Variants in CEP192 observed in about 807,000 individuals in gnomAD.
CEP192 encodes the protein centrosomal protein 192, also known as centrosomal protein of 192 kDa.
Under a neutral mutation model 271.8 loss-of-function variants are expected in CEP192, and 151 were observed. The ratio of observed to expected loss-of-function variants is 0.56; its 90% confidence interval spans 0.49 to 0.64. CEP192 has a LOEUF of 0.64. Ranked by LOEUF, CEP192 falls within the 30% of genes least tolerant of loss-of-function variation. The probability of loss-of-function intolerance (pLI) is 0.00; values close to 1 mark genes in which losing one functional copy is unlikely to be tolerated. For synonymous variants in CEP192, 995 were observed against 1,076.5 expected (o/e 0.92, Z 1.48); for missense variants, 2,910 against 3,020.5 (o/e 0.96, Z 0.86).
intron 17 of CEP192, among the ~76,000 whole-genome samples, chr18:13,050,170 G>T (rs8091992): frequency 0.14 from 20,540 of 152,048 alleles, 1,536 homozygotes; most frequent in East Asian, 0.31. Context: ...TTCTGGTGAA[G>T]ACTTTGTATC....
At chr18:13,085,535 G>A (rs371448793) in intron 30 of CEP192, among the ~76,000 whole-genome samples, 9 of 152,098 alleles carry the variant, frequency 5.9e-5, no homozygotes, top group Non-Finnish European at 4.4e-5. Context: ...TATGTCTTAC[G>A]TTTAAGTCTT....
chr18:13,008,522 A>G lies in CEP192; in HGVS notation c.357A>G (p.Ser119=), dbSNP rs771062368. ...TGTCAAATGCTCTCAGCAAACAGTCAGCTTTACAAATGGAGACAGCAGGAC... is the reference window on the plus strand; with the variant it reads ...TGTCAAATGCTCTCAGCAAACAGTCGGCTTTACAAATGGAGACAGCAGGAC... ...QRLSNALSKQ[S]ALQMETAGPE... The change falls in exon 4 of 45, where the codon TCA becomes TCG. Residue 119 remains serine, a synonymous_variant. Transcript: ENST00000506447. 3 of 1,551,480 alleles carry G rather than the reference A, an allele frequency of 1.9e-6. No homozygotes were observed. The highest frequency in any genetic ancestry group is 1.7e-4 in the Middle Eastern group (1 of 6,014).
chr18:13,029,642 A>T, intron 9 of CEP192, 21 bp from the exon 10 acceptor site: 1 of 1,427,654 alleles, frequency 7.0e-7, no homozygotes, highest in Non-Finnish European at 9.3e-7. Flanking sequence ...CTGTTAAAAA[A>T]TCTGATTTTT....
chr18:13,035,345 C>G (rs909863131), intron 11 of CEP192, among the ~76,000 whole-genome samples: 20 of 152,184 alleles, frequency 1.3e-4, no homozygotes, highest in Non-Finnish European at 2.9e-4. Flanking sequence ...CTTGGACTTA[C>G]AGTTCCACGT....
At position 13,052,946 on chromosome 18, in the gene CEP192, A is replaced by G. The variant is rs1428901607; in HGVS notation, c.3045A>G (p.Ala1015=). The G allele has an allele frequency of 6.2e-7, 1 of 1,611,050 alleles. No homozygotes were observed. The highest frequency in any genetic ancestry group is 8.5e-7 in the Non-Finnish European group (1 of 1,178,320). ...SGCALESFGS[A]AQQQQPPCEQ... The stretch of plus-strand genomic sequence containing the variant: ...GTGCGTTAGAGTCCTTTGGTTCAGC[A>G]GCTCAGCAGCAGCAGCCTCCCTGTG... The change falls in exon 18 of 45, where the codon GCA becomes GCG. Residue 1015 remains alanine, a synonymous_variant. Coordinates refer to ENST00000506447, the MANE Select transcript of CEP192 (RefSeq NM_032142.4).
chr18:13,066,780 T>C (rs1233619497), intron 21 of CEP192, among the ~76,000 whole-genome samples: 1 of 152,210 alleles, frequency 6.6e-6, no homozygotes, highest in African/African-American at 2.4e-5. Flanking sequence ...CTCACCCTGC[T>C]CACAACAAGC....
rs184071468 is a variant in CEP192 at position 13,113,134 on chromosome 18, C to T, written c.7048-452C>T. The stretch of plus-strand genomic sequence containing the variant: ...GCGTCTGGCGCTTGTCTTGTTCTGC[C>T]TCCTGTAGCCGCCGCCCCCCTCACT... On this transcript the variant is annotated intron_variant, in intron 40 of 44. Coordinates refer to ENST00000506447, the MANE Select transcript of CEP192 (RefSeq NM_032142.4). Among the ~76,000 whole-genome samples the T allele has an allele frequency of 1.5e-3, 229 of 152,284 alleles. 2 individuals are homozygous for T. Among genetic ancestry groups the T allele is most frequent in the African/African-American group, 5.1e-3 (213 of 41,554 alleles).
At chr18:13,030,398 T>A in intron 10 of CEP192, 67 bp from the exon 11 acceptor site, 4 of 1,368,206 alleles carry the variant, frequency 2.9e-6, no homozygotes, top group Non-Finnish European at 3.9e-6. Flanking sequence ...TTAAAAAAAA[T>A]TGAGAATGTT....
chr18:13,100,348 A>G lies in CEP192; in HGVS notation c.6707A>G (p.Glu2236Gly). 1 of 1,614,132 alleles carries G rather than the reference A, an allele frequency of 6.2e-7. No homozygotes were observed. The highest frequency in any genetic ancestry group is 1.1e-5 in the South Asian group (1 of 91,082). ...VQIREDLTQV[E>G]LLTRLTSKPF... ...ATTCGAGAAGATTTAACTCAAGTGG[A>G]ACTTTTAACTCGTTTGACCTCCAAA... Residue 2236 changes from glutamate to glycine, a missense_variant, in exon 38 of 45, where the codon GAA becomes GGA. Coordinates refer to ENST00000506447, the MANE Select transcript of CEP192 (RefSeq NM_032142.4).
intron 5 of CEP192, 86 bp from the exon 6 acceptor site, chr18:13,015,242 A>G: frequency 8.1e-7 from 1 of 1,232,276 alleles, no homozygotes; most frequent in Non-Finnish European, 1.1e-6. Flanking sequence ...GAGGTTGAGA[A>G]CATATTTGGT....
chr18:13,043,433 G>C (rs2036314725), intron 15 of CEP192, among the ~76,000 whole-genome samples: 1 of 152,100 alleles, frequency 6.6e-6, no homozygotes, highest in Non-Finnish European at 1.5e-5. Flanking sequence ...GACATCGTGG[G>C]TATATTTCTA....
Position 13,008,625 on chromosome 18 carries a change from G to C in CEP192, c.460G>C (p.Ala154Pro). 6.5e-7 allele frequency: 1 copy of C among 1,546,816 alleles called. No homozygotes were observed. The highest frequency in any genetic ancestry group is 1.2e-5 in the South Asian group (1 of 83,212). The change falls in exon 4 of 45, where the codon GCA becomes CCA. Residue 154 changes from alanine (A) to proline (P), a missense_variant. Coordinates refer to ENST00000506447, the MANE Select transcript of CEP192 (RefSeq NM_032142.4). ...LFNRASPLEQ[A>P]QDSPIDFHLQ... The stretch of plus-strand genomic sequence containing the variant: ...CAACAGGGCTTCACCACTGGAACAA[G>C]CACAAGGTACTGAACTATTTGAAAT...
intron 38 of CEP192, among the ~76,000 whole-genome samples, chr18:13,102,140 C>A (rs1394710529): frequency 6.6e-6 from 1 of 152,148 alleles, no homozygotes; most frequent in African/African-American, 2.4e-5. Context: ...TGCCACCCCC[C>A]ACAGCTGGGG....
At chr18:13,114,732 G>A (rs540774834) in intron 42 of CEP192, among the ~76,000 whole-genome samples, 6 of 152,158 alleles carry the variant, frequency 3.9e-5, no homozygotes, top group East Asian at 1.9e-4. Flanking sequence ...ATACATTTTC[G>A]TTACTTTTTA....
At position 13,007,147 on chromosome 18, in the gene CEP192, C is replaced by T. The variant is rs7232442; in HGVS notation, c.291-1309C>T. ...TTGTGGCTTTCTCTCCCCCTGCACA[C>T]CCCATCTGCTTTTCAGATTCCAGAA... On this transcript the variant is annotated intron_variant, in intron 3 of 44. Coordinates refer to ENST00000506447, the MANE Select transcript of CEP192 (RefSeq NM_032142.4). 9.2e-3 allele frequency among the ~76,000 whole-genome samples: 1,401 copies of T among 152,276 alleles called. 23 individuals are homozygous for T. The highest frequency in any genetic ancestry group is 0.032 in the African/African-American group (1,342 of 41,540).
chr18:13,118,558 A>G (rs2040532889), intron 44 of CEP192, among the ~76,000 whole-genome samples: 1 of 152,216 alleles, frequency 6.6e-6, no homozygotes, highest in Non-Finnish European at 1.5e-5. Flanking sequence ...AATATGCTTG[A>G]GGGCTAAACC....
intron 39 of CEP192, 48 bp from the exon 40 acceptor site, chr18:13,104,936 A>C (rs777893353): frequency 7.5e-7 from 1 of 1,336,612 alleles, no homozygotes; most frequent in South Asian, 1.2e-5. Flanking sequence ...TGTGGGATTT[A>C]TCCATTGGCT....
intron 11 of CEP192, among the ~76,000 whole-genome samples, chr18:13,034,409 T>C (rs944094763): frequency 6.6e-6 from 1 of 152,178 alleles, no homozygotes; most frequent in East Asian, 1.9e-4. Flanking sequence ...AAAGGAGATA[T>C]TCAGAAAAGG....
intron 3 of CEP192, among the ~76,000 whole-genome samples, chr18:13,006,766 G>T (rs1321095795): frequency 8.6e-6 from 1 of 116,920 alleles, no homozygotes; most frequent in African/African-American, 4.4e-5. Context: ...GCCATTTACT[G>T]TAGAGTGTGC....
Sources: gnomAD v4.1 joint callset for allele counts (sites outside exome capture counted in the v4.1 genomes callset) on GRCh38, gnomAD v4.1.1 for gene constraint, MANE v1.5 for transcripts, NCBI Gene and HGNC (gene_info 2026-07-23, HGNC 2026-07-21) for gene names.